HMGN5: variants seen among roughly 807,000 people sequenced by gnomAD.
HMGN5 encodes high mobility group nucleosome binding domain 5.
Under a neutral mutation model 9.5 loss-of-function variants are expected in HMGN5, and 4 were observed. The observed-to-expected ratio is 0.42, with a 90% CI of 0.21 to 0.96. HMGN5 has a LOEUF of 0.96. HMGN5 is among the 40% of genes least tolerant of loss of function. The pLI is 0.30. For synonymous variants in HMGN5, 55 were observed against 57.1 expected, an observed-to-expected ratio of 0.96 and a Z score of 0.16; for missense variants, 192 against 187.5, an observed-to-expected ratio of 1.02 and a Z score of -0.14.
At chrX:81,171,498 C>T (rs2075425723) in intron 1 of HMGN5, among the ~76,000 whole-genome samples, 1 of 111,361 alleles carries the variant, frequency 9.0e-6, no homozygotes, top group Non-Finnish European at 1.9e-5. Context: ...GACTTGACAA[C>T]ATAATTTACT....
chrX:81,142,172 G>A (rs751993472), intron 1 of HMGN5, among the ~76,000 whole-genome samples: 91 of 110,919 alleles, frequency 8.2e-4, no homozygotes, highest in African/African-American at 2.9e-3. Context: ...GGAGACAAAG[G>A]AAAAAAAGAA....
chrX:81,123,442 C>T (rs1312988946), intron 1 of HMGN5, among the ~76,000 whole-genome samples: 1 of 111,416 alleles, frequency 9.0e-6, no homozygotes, highest in African/African-American at 3.3e-5. Flanking sequence ...ACTTTTTGCC[C>T]TTATGGTAAA....
chrX:81,134,676 C>T (rs572309706), intron 1 of HMGN5, among the ~76,000 whole-genome samples: 1 of 111,267 alleles, frequency 9.0e-6, no homozygotes, highest in East Asian at 2.8e-4. Context: ...TCAAAGTACC[C>T]TTGGAAAATA....
Position 81,119,762 on chromosome X carries a change from T to C in HMGN5, c.45+26A>G, listed in dbSNP as rs571987272. 1,079 of 1,184,221 alleles carry C rather than the reference T, an allele frequency of 9.1e-4. 11 individuals carry two copies. The South Asian group carries it at 0.018, about 20-fold the overall frequency. ...TTATAAAACGAGTGGTTTTTCCTAA[T>C]AGATGCTAAGACTAAAGAAACTCAC... On this transcript the variant is annotated intron_variant, in intron 3 of 6. Transcript: ENST00000358130.
chrX:81,158,916 A>G (rs1429369524), intron 1 of HMGN5, among the ~76,000 whole-genome samples: 2 of 111,822 alleles, frequency 1.8e-5, no homozygotes, highest in East Asian at 5.6e-4. Flanking sequence ...TCATTCTATT[A>G]CAAACATACA....
intron 1 of HMGN5, among the ~76,000 whole-genome samples, chrX:81,130,917 G>A (rs1054462565): frequency 9.0e-6 from 1 of 111,081 alleles, no homozygotes; most frequent in Non-Finnish European, 1.9e-5. Context: ...TGAGATATGT[G>A]AAAAACATTA....
At chrX:81,119,931 G>A (rs774448961) in intron 2 of HMGN5, 114 bp from the exon 3 acceptor site, 7 of 661,770 alleles carry the variant, frequency 1.1e-5, no homozygotes, top group Non-Finnish European at 1.6e-5. Context: ...CTTTCTCCTG[G>A]GTTCCTGCTC....
intron 1 of HMGN5, among the ~76,000 whole-genome samples, chrX:81,176,806 T>C (rs895205306): frequency 9.0e-6 from 1 of 111,643 alleles, no homozygotes; most frequent in Admixed American, 9.5e-5. Context: ...CTACATTTGA[T>C]TGGTGTACCT....
intron 1 of HMGN5, among the ~76,000 whole-genome samples, chrX:81,157,975 C>T (rs2075387816): frequency 9.1e-6 from 1 of 110,169 alleles, no homozygotes; most frequent in East Asian, 2.9e-4. Context: ...AGAGACGGGG[C>T]TTCACCATGT....
At chrX:81,135,346 C>A (rs752763128) in intron 1 of HMGN5, among the ~76,000 whole-genome samples, 2 of 111,263 alleles carry the variant, frequency 1.8e-5, no homozygotes, top group Non-Finnish European at 3.8e-5. Flanking sequence ...CTCCTAGATT[C>A]ATAACAAATA....
chrX:81,144,134 A>G (rs1284221769), intron 1 of HMGN5, among the ~76,000 whole-genome samples: 2 of 111,610 alleles, frequency 1.8e-5, no homozygotes, highest in African/African-American at 3.3e-5. Context: ...CTCCCAGAAC[A>G]GTGTTTGAGC....
At chrX:81,125,895 C>T (rs889050723) in intron 1 of HMGN5, among the ~76,000 whole-genome samples, 7 of 111,007 alleles carry the variant, frequency 6.3e-5, no homozygotes, top group Non-Finnish European at 1.3e-4. Flanking sequence ...CGTCTGTAAT[C>T]CCAGCTCTTT....
At chrX:81,170,146 G>A (rs907689944) in intron 1 of HMGN5, among the ~76,000 whole-genome samples, 18 of 109,192 alleles carry the variant, frequency 1.6e-4, no homozygotes, top group African/African-American at 6.0e-4. Context: ...AAGAGGCAAT[G>A]GATTCCATAG....
chrX:81,152,125 A>G (rs1354320906), intron 1 of HMGN5, among the ~76,000 whole-genome samples: 3 of 111,842 alleles, frequency 2.7e-5, no homozygotes, highest in African/African-American at 9.8e-5. Flanking sequence ...AATGGCAACA[A>G]AAGCCAAAAT....
At chrX:81,148,238 A>T (rs2075350915) in intron 1 of HMGN5, among the ~76,000 whole-genome samples, 1 of 111,735 alleles carries the variant, frequency 8.9e-6, no homozygotes, top group Non-Finnish European at 1.9e-5. Flanking sequence ...AACTACTACT[A>T]GGCAACAGTA....
At chrX:81,126,502 A>G (rs187002270) in intron 1 of HMGN5, among the ~76,000 whole-genome samples, 1 of 111,833 alleles carries the variant, frequency 8.9e-6, no homozygotes, top group East Asian at 2.8e-4. Context: ...GGTCTAAAGT[A>G]AGTCTGGTGA....
chrX:81,183,571 T>C (rs1333853655), intron 1 of HMGN5, among the ~76,000 whole-genome samples: 1 of 112,665 alleles, frequency 8.9e-6, no homozygotes, highest in Non-Finnish European at 1.9e-5. Context: ...GTACAACAGT[T>C]GAGGCTTGGG....
chrX:81,173,697 T>C (rs1395728996), intron 1 of HMGN5, among the ~76,000 whole-genome samples: 1 of 111,996 alleles, frequency 8.9e-6, no homozygotes, highest in Non-Finnish European at 1.9e-5. Context: ...TTTTGTTTCT[T>C]ATTGGTAATT....
chrX:81,114,831 CCT>C lies in HMGN5; in HGVS notation c.665_666del (p.Glu222GlyfsTer10). On this transcript the variant is annotated frameshift_variant, in exon 7 of 7. Transcript: ENST00000358130. LOFTEE classifies it low-confidence loss of function (END_TRUNC). ...EDGKEKGDKK[E>X]GKDVKVKEDE... ...TCTTCTTTGACTTTTACATCTTTCC[CCT>C]CTTTTTTATCTCCCTTCTCTTTTCC... is the stretch of plus-strand genomic sequence containing the variant. The C allele has an allele frequency of 8.6e-7, 1 of 1,160,089 alleles. No homozygotes were observed. The highest frequency in any genetic ancestry group is 1.1e-6 in the Non-Finnish European group (1 of 870,426).
Sources: allele counts gnomAD v4.1 joint callset (sites outside exome capture counted in the v4.1 genomes callset), GRCh38; gene constraint gnomAD v4.1.1; transcripts MANE v1.5; gene names NCBI Gene and HGNC (gene_info 2026-07-23, HGNC 2026-07-21).